RORC: variants seen among roughly 807,000 people sequenced by gnomAD.
The protein encoded by RORC is nuclear receptor ROR-gamma.
RORC carries 13 observed loss-of-function variants against 64.5 expected under a neutral mutation model. That is an observed-to-expected ratio of 0.20 (90% CI 0.13 to 0.32). The LOEUF is 0.32. Ranked by LOEUF, RORC falls within the 10% of genes least tolerant of loss-of-function variation. The pLI, the probability that RORC is intolerant of heterozygous loss-of-function variation, is 1.00. For synonymous variants in RORC, 277 were observed against 259.3 expected, an observed-to-expected ratio of 1.07 and a Z score of -0.65; for missense variants, 468 against 669.5, an observed-to-expected ratio of 0.70 and a Z score of 3.32.
chr1:151,820,092 C>T (rs1651927785), intron 2 of RORC, among the ~76,000 whole-genome samples: 1 of 152,156 alleles, frequency 6.6e-6, no homozygotes. Flanking sequence ...CTTTGCCCAA[C>T]CCATGGCCCC....
chr1:151,814,829 C>T (rs1470199014), intron 5 of RORC, 84 bp downstream of exon 5: 1 of 1,554,198 alleles, frequency 6.4e-7, no homozygotes, highest in Non-Finnish European at 8.7e-7. Flanking sequence ...TCAATTCCCT[C>T]AGGCGCATGT....
chr1:151,828,188 A>G (rs535987003), intron 2 of RORC, among the ~76,000 whole-genome samples: 1 of 152,304 alleles, frequency 6.6e-6, no homozygotes, highest in African/African-American at 2.4e-5. Flanking sequence ...TACTTGGAAC[A>G]GGGAGGCTCT....
At chr1:151,810,694 G>C (rs1476722540) in intron 10 of RORC, among the ~76,000 whole-genome samples, 1 of 152,132 alleles carries the variant, frequency 6.6e-6, no homozygotes, top group Non-Finnish European at 1.5e-5. Context: ...ACCATGCCTG[G>C]CTAATTTTTT....
chr1:151,809,557 T>A (rs1378008213), intron 10 of RORC, among the ~76,000 whole-genome samples: 1 of 152,104 alleles, frequency 6.6e-6, no homozygotes, highest in Non-Finnish European at 1.5e-5. Context: ...TTAGGAGGCC[T>A]CTCTTAAAGT....
At chr1:151,820,503 A>G (rs1298761331) in intron 2 of RORC, among the ~76,000 whole-genome samples, 1 of 151,990 alleles carries the variant, frequency 6.6e-6, no homozygotes, top group Non-Finnish European at 1.5e-5. Context: ...AAGGTCAGGA[A>G]CCTCGAACCA....
At chr1:151,824,746 T>TC (rs1652124063) in intron 2 of RORC, among the ~76,000 whole-genome samples, 1 of 152,252 alleles carries the variant, frequency 6.6e-6, no homozygotes, top group African/African-American at 2.4e-5. Context: ...TGGGAGACTC[T>TC]CCATAGTTGG....
Position 151,813,481 on chromosome 1 carries a change from T to A in RORC, c.1066+7A>T. On this transcript the variant is annotated splice_region_variant and intron_variant, in intron 7 of 10. Coordinates refer to ENST00000318247, the MANE Select transcript of RORC (RefSeq NM_005060.4). ...GTCCCCAGGCCTGCCCACCCATCCC[T>A]GGGCACCTGCTTTGAGAAGCACAAT... 6.2e-7 allele frequency: 1 copy of A among 1,614,118 alleles called. No homozygotes were observed. Among genetic ancestry groups the A allele is most frequent in the Admixed American group, 1.7e-5 (1 of 60,030 alleles).
chr1:151,808,123 A>G (rs1459163201), intron 10 of RORC, among the ~76,000 whole-genome samples: 1 of 152,194 alleles, frequency 6.6e-6, no homozygotes, highest in African/African-American at 2.4e-5. Flanking sequence ...ACTACATTGC[A>G]GGAAAATGGT....
Position 151,811,432 on chromosome 1 carries a change from G to A in RORC, c.1288C>T (p.Arg430Trp), listed in dbSNP as rs1222050210. The part of the protein sequence containing the change: ...YTALVLINAH[R>W]PGLQEKRKVE... The stretch of plus-strand genomic sequence containing the variant: ...TTCCTTTTCTCTTGGAGCCCTGGCC[G>A]ATCTGGAGGAGGGGGTGGGACCGTA... The change falls in exon 10 of 11, where the codon CGG (arginine) becomes TGG (tryptophan). Residue 430 changes from arginine to tryptophan, a missense_variant and splice_region_variant. By Grantham distance (101) the Arg-to-Trp change is moderately radical. This residue lies in a region of RORC where 93 missense variants were observed against 116.6 expected (regional missense o/e 0.80). Transcript: ENST00000318247. 1 of 1,601,454 alleles carries A rather than the reference G, an allele frequency of 6.2e-7. No individual in the cohort carries two copies. The highest frequency in any genetic ancestry group is 8.6e-7 in the Non-Finnish European group (1 of 1,169,086).
intron 3 of RORC, 98 bp downstream of exon 3, chr1:151,817,097 A>G: frequency 1.2e-6 from 1 of 869,434 alleles, no homozygotes; most frequent in Non-Finnish European, 1.8e-6. Context: ...CCCCTTGTTT[A>G]TCTCTAAGGA....
chr1:151,829,256 C>T (rs1652315133), intron 2 of RORC, among the ~76,000 whole-genome samples, 173 bp downstream of exon 2: 1 of 152,112 alleles, frequency 6.6e-6, no homozygotes, highest in Admixed American at 6.6e-5. Flanking sequence ...TCATCTCCTC[C>T]CACTGCCCTG....
At position 151,831,712 on chromosome 1, in the gene RORC, A is replaced by G. The variant is rs1652424736; in HGVS notation, c.40+13T>C. ...GTCTCTTCCACCTGCAGGCAGGGCCATGGGCCTCTTACCCCGTGAGGCTCG... is the reference window on the plus strand; with the variant it reads ...GTCTCTTCCACCTGCAGGCAGGGCCGTGGGCCTCTTACCCCGTGAGGCTCG... On this transcript the variant is annotated intron_variant, in intron 1 of 10. Transcript: ENST00000318247. The G allele has an allele frequency of 6.2e-7, 1 of 1,610,558 alleles. No individual in the cohort carries two copies. Among genetic ancestry groups the G allele is most frequent in the African/African-American group, 1.3e-5 (1 of 74,752 alleles).
rs1216512830 is a variant in RORC, at chr1:151,806,952, G to A, written c.*520C>T. On this transcript the variant is annotated 3_prime_UTR_variant, in exon 11 of 11. Coordinates refer to ENST00000318247, the MANE Select transcript of RORC (RefSeq NM_005060.4). ...CTGAGCTGGGAGGAAGGCAGAGGCA[G>A]AAAATGTAAAGCTCCAGATTCATTT... 2.0e-5 allele frequency: 3 copies of A among 152,652 alleles called. No individual in the cohort carries two copies. The highest frequency in any genetic ancestry group is 7.2e-5 in the African/African-American group (3 of 41,424). 9.5% of individuals were successfully genotyped at this position (152,652 alleles called of 1,614,324 possible).
At position 151,815,454 on chromosome 1, in the gene RORC, A is replaced by T. The variant is rs573988445; in HGVS notation, c.299-29T>A. 41 of 1,514,800 alleles carry T rather than the reference A, an allele frequency of 2.7e-5. No homozygotes were observed. In the Admixed American group the frequency reaches 7.8e-4, roughly 29 times the overall value. 93.8% of individuals were successfully genotyped at this position (1,514,800 alleles called of 1,614,324 possible). A position where few individuals can be genotyped will look rare whatever the true frequency, so the allele number is the denominator to read the frequency against. On this transcript the variant is annotated intron_variant, in intron 4 of 10. Transcript: ENST00000318247. Reference sequence around the variant, plus strand: ...AAAGAGGTCCAGGGACCAGGGGTTTATGAGGCAGGAGAACATGGCACAGGG... The same window carrying T: ...AAAGAGGTCCAGGGACCAGGGGTTTTTGAGGCAGGAGAACATGGCACAGGG...
intron 2 of RORC, 56 bp from the exon 3 acceptor site, chr1:151,817,336 C>A: frequency 8.2e-7 from 1 of 1,225,748 alleles, no homozygotes; most frequent in South Asian, 1.2e-5. Flanking sequence ...CATTCAACCA[C>A]CATGTACCTG....
chr1:151,822,318 G>A (rs6587620), intron 2 of RORC, among the ~76,000 whole-genome samples: 71,638 of 151,842 alleles, frequency 0.47, 17,151 homozygotes, highest in Non-Finnish European at 0.52. Context: ...CTGGGTGGGG[G>A]CTGGGGGAGA....
At chr1:151,814,843 AT>A in intron 5 of RORC, 69 bp downstream of exon 5, 2 of 1,562,130 alleles carry the variant, frequency 1.3e-6, no homozygotes, top group Admixed American at 3.5e-5. Context: ...CGCATGTTTG[AT>A]TGATACGGGG....
intron 3 of RORC, 94 bp from the exon 4 acceptor site, chr1:151,816,899 T>C: frequency 2.3e-6 from 3 of 1,314,254 alleles, no homozygotes; most frequent in Non-Finnish European, 3.0e-6. Flanking sequence ...GCAGCTTTTC[T>C]ACATCCCACG....
intron 1 of RORC, chr1:151,831,003 G>C (rs2101681200): frequency 7.8e-7 from 1 of 1,289,330 alleles, no homozygotes; most frequent in East Asian, 5.5e-5. Context: ...CCTCCTCCAT[G>C]CTCACAGCTG....
Sources: allele counts gnomAD v4.1 joint callset (sites outside exome capture counted in the v4.1 genomes callset), GRCh38; gene constraint gnomAD v4.1.1; regional missense constraint gnomAD v4.1.1; transcripts MANE v1.5; gene names NCBI Gene and HGNC (gene_info 2026-07-23, HGNC 2026-07-21).